DNAJB14: variants seen among roughly 807,000 people sequenced by gnomAD.
DNAJB14 encodes the protein dnaJ homolog subfamily B member 14.
A neutral mutation model predicts 48.4 loss-of-function variants in DNAJB14; 22 were observed. The ratio of observed to expected loss-of-function variants is 0.45; its 90% CI spans 0.32 to 0.65. DNAJB14 has a LOEUF of 0.65. Among genes scored for constraint, DNAJB14 ranks in the 30% least tolerant of loss-of-function variants. The pLI is 0.03. For synonymous variants in DNAJB14, 142 were observed against 158.7 expected (o/e 0.89, Z 0.79); for missense variants, 319 against 458.8 (o/e 0.70, Z 2.78).
chr4:99,913,627 T>G (rs2110200565), intron 3 of DNAJB14, among the ~76,000 whole-genome samples: 1 of 151,278 alleles, frequency 6.6e-6, no homozygotes, highest in Non-Finnish European at 1.5e-5. Context: ...TGTAGTTTTT[T>G]TTTTTTTTTT....
intron 5 of DNAJB14, 102 bp downstream of exon 5, chr4:99,906,415 A>G: frequency 8.4e-7 from 1 of 1,183,562 alleles, no homozygotes; most frequent in Non-Finnish European, 1.2e-6. Flanking sequence ...AGTAAGAGAA[A>G]ACTCATTATT....
At chr4:99,913,497 T>C (rs1300193141) in intron 3 of DNAJB14, among the ~76,000 whole-genome samples, 4 of 152,196 alleles carry the variant, frequency 2.6e-5, no homozygotes, top group Non-Finnish European at 5.9e-5. Flanking sequence ...AAATAGTGAA[T>C]TGACTTTGCT....
rs1241663456 is a variant in DNAJB14 at position 99,900,537 on chromosome 4, GT to G, written c.*490del. ...TTTTTCTTTTTGAAAAAGTTTCATT[GT>G]TTAAAGTCCACATATTTGACACCTT... On this transcript the variant is annotated 3_prime_UTR_variant, in exon 8 of 8. Transcript: ENST00000442697. 6.6e-6 allele frequency: 1 copy of G among 152,162 alleles called. No individual in the cohort carries two copies. The highest frequency in any genetic ancestry group is 1.9e-4 in the East Asian group (1 of 5,196). 9.4% of individuals were successfully genotyped at this position (152,162 alleles called of 1,614,324 possible).
intron 1 of DNAJB14, among the ~76,000 whole-genome samples, chr4:99,934,934 C>T (rs1017700540): frequency 4.9e-5 from 5 of 101,610 alleles, no homozygotes; most frequent in African/African-American, 2.5e-4. Context: ...CTCATAAATA[C>T]AACAGGATAA....
chr4:99,906,174 C>T (rs1316135130), intron 5 of DNAJB14: 2 of 1,331,330 alleles, frequency 1.5e-6, no homozygotes, highest in Non-Finnish European at 2.0e-6. Context: ...TTAGGTATAA[C>T]TGCATTAGAA....
intron 6 of DNAJB14, 110 bp downstream of exon 6, chr4:99,905,487 C>T: frequency 3.0e-6 from 2 of 666,070 alleles, no homozygotes; most frequent in South Asian, 4.4e-5. Flanking sequence ...GGTACACTTG[C>T]AGTAATAGAT....
intron 1 of DNAJB14, among the ~76,000 whole-genome samples, chr4:99,942,736 T>TGGCAAAAATAAAATTTTAAGAG (rs1726929879): frequency 6.6e-6 from 1 of 152,146 alleles, no homozygotes; most frequent in Non-Finnish European, 1.5e-5. Flanking sequence ...ACTTCCTACC[T>TGGCAAAAATAAAATTTTAAGAG]GGCAAAAATA....
intron 1 of DNAJB14, among the ~76,000 whole-genome samples, chr4:99,941,754 C>T (rs1347113531): frequency 1.3e-5 from 2 of 152,000 alleles, no homozygotes; most frequent in African/African-American, 2.4e-5. Flanking sequence ...AATTGAGGTT[C>T]GGAAAGATTA....
chr4:99,906,338 CT>C (rs531000211), intron 5 of DNAJB14, among the ~76,000 whole-genome samples, 178 bp downstream of exon 5: 159 of 152,252 alleles, frequency 1.0e-3, no homozygotes, highest in African/African-American at 3.4e-3. Context: ...CCAACCACCC[CT>C]GGCTGACCTC....
intron 1 of DNAJB14, among the ~76,000 whole-genome samples, chr4:99,931,829 T>A (rs1320947905): frequency 6.6e-6 from 1 of 151,614 alleles, no homozygotes; most frequent in Non-Finnish European, 1.5e-5. Flanking sequence ...ATAAATGGGT[T>A]GGAAAAGAAA....
At position 99,924,672 on chromosome 4, in the gene DNAJB14, C is replaced by T; in HGVS notation, c.306-1487G>A. 2.6e-6 allele frequency: 4 copies of T among 1,549,780 alleles called. No individual in the cohort carries two copies. In the Admixed American group the frequency reaches 7.8e-5, roughly 30 times the overall value. On this transcript the variant is annotated intron_variant, in intron 2 of 7. Transcript: ENST00000442697. ...TGTAAACAAAAAAAGAGAATGATCC[C>T]ACCTGTGTAGAGACTCATTCTCCTA...
chr4:99,928,113 C>A (rs1276254722), intron 2 of DNAJB14: 1 of 152,170 alleles, frequency 6.6e-6, no homozygotes, highest in African/African-American at 2.4e-5. Context: ...ATCTCTAATA[C>A]AGGTATACTA....
rs1217184943 is a variant in DNAJB14 at position 99,897,199 on chromosome 4, A to ATATAT, written c.*3828_*3829insATATA. On this transcript the variant is annotated 3_prime_UTR_variant, in exon 8 of 8. Coordinates refer to ENST00000442697, the MANE Select transcript of DNAJB14 (RefSeq NM_001031723.4). The stretch of plus-strand genomic sequence containing the variant: ...GGTAATTAGCTGGGAAAAAAAAAAA[A>ATATAT]AAATATATATATATATATATACACC... 24 of 135,422 alleles carry ATATAT rather than the reference A, an allele frequency of 1.8e-4. No homozygotes were observed. The highest frequency in any genetic ancestry group is 7.2e-4 in the African/African-American group (24 of 33,342). The allele number at this position is 135,422 out of a possible 1,614,324, so 8.4% of individuals were successfully genotyped here. A position where few individuals can be genotyped will look rare whatever the true frequency, so the allele number is the denominator to read the frequency against.
At chr4:99,939,897 T>C (rs2110224537) in intron 1 of DNAJB14, among the ~76,000 whole-genome samples, 1 of 152,378 alleles carries the variant, frequency 6.6e-6, no homozygotes, top group African/African-American at 2.4e-5. Flanking sequence ...TTTACAATAA[T>C]GCGCAGTGTT....
chr4:99,946,444 G>A lies in DNAJB14; in HGVS notation c.128C>T (p.Ala43Val). The A allele has an allele frequency of 6.2e-7, 1 of 1,612,076 alleles. No homozygotes were observed. The highest frequency in any genetic ancestry group is 8.5e-7 in the Non-Finnish European group (1 of 1,179,068). ...KAEKLYPLPS[A>V]RALLEIIMKN... ...AAGGGACGCTGAGGTCTCACCGCGG[G>A]CCGAGGGCAGTGGGTAGAGCTTCTC... The change falls in exon 1 of 8, where the codon GCC becomes GTC. Residue 43 changes from alanine to valine, a missense_variant. Ala to Val is a moderately conservative substitution (Grantham distance 64). Around this residue, in one of 3 missense-constraint regions of DNAJB14, gnomAD observed 116 missense variants for 134.6 expected, o/e 0.86. Transcript: ENST00000442697.
intron 1 of DNAJB14, 121 bp from the exon 2 acceptor site, chr4:99,930,742 A>G (rs1726438850): frequency 9.4e-7 from 1 of 1,067,302 alleles, no homozygotes; most frequent in Non-Finnish European, 1.3e-6. Flanking sequence ...TCACCATAGG[A>G]TCTTTTTAAT....
chr4:99,909,671 G>T (rs1432377632), intron 3 of DNAJB14, among the ~76,000 whole-genome samples: 1 of 151,904 alleles, frequency 6.6e-6, no homozygotes, highest in Admixed American at 6.6e-5. Flanking sequence ...TCCAAAAGAG[G>T]TAATGTTACA....
intron 1 of DNAJB14, among the ~76,000 whole-genome samples, chr4:99,940,256 T>C (rs955872811): frequency 1.3e-5 from 2 of 152,190 alleles, no homozygotes; most frequent in African/African-American, 4.8e-5. Flanking sequence ...TACAAATAGC[T>C]TTTATTTGTG....
Position 99,900,604 on chromosome 4 carries a change from T to G in DNAJB14, c.*424A>C, listed in dbSNP as rs1725265317. The G allele has an allele frequency of 6.5e-6, 1 of 153,220 alleles. No individual in the cohort carries two copies. Among genetic ancestry groups the G allele is most frequent in the African/African-American group, 2.4e-5 (1 of 41,494 alleles). The allele number at this position is 153,220 out of a possible 1,614,324, so 9.5% of individuals were successfully genotyped here. On this transcript the variant is annotated 3_prime_UTR_variant, in exon 8 of 8. Transcript: ENST00000442697. The stretch of plus-strand genomic sequence containing the variant: ...AATGTGTCATATAACATTTATTCCA[T>G]CAATTTAAACTGAAGTGTCTCATGG...
Sources: gnomAD v4.1 joint callset for allele counts (sites outside exome capture counted in the v4.1 genomes callset) on GRCh38, gnomAD v4.1.1 for gene constraint, gnomAD v4.1.1 regional missense constraint, MANE v1.5 for transcripts, NCBI Gene and HGNC (gene_info 2026-07-23, HGNC 2026-07-21) for gene names.